Variants in DNAH7 observed in about 807,000 individuals in gnomAD.
DNAH7 encodes the protein axonemal beta dynein heavy chain 7.
In DNAH7, 397 loss-of-function variants were observed where a neutral mutation model predicts 444.6. The observed-to-expected ratio is 0.89, with a 90% CI of 0.82 to 0.97. DNAH7 has a LOEUF of 0.97. DNAH7 is among the 50% of genes least tolerant of loss of function. The probability of loss-of-function intolerance (pLI) is 0.00; values close to 1 mark genes in which losing one functional copy is unlikely to be tolerated. For missense variants in DNAH7, 4,902 were observed against 4,800.8 expected (o/e 1.02, Z -0.62); for synonymous variants, 1,636 against 1,624.4 (o/e 1.01, Z -0.17).
chr2:195,919,173 C>A (rs1687867693), intron 24 of DNAH7, among the ~76,000 whole-genome samples: 1 of 149,962 alleles, frequency 6.7e-6, no homozygotes, highest in African/African-American at 2.5e-5. Context: ...TCACTTGAAC[C>A]AGGGAGTCGG....
Position 195,824,313 on chromosome 2 carries a change from C to A in DNAH7, c.9233G>T (p.Arg3078Leu), listed in dbSNP as rs748635757. 1.9e-6 allele frequency: 3 copies of A among 1,613,598 alleles called. No individual in the cohort carries two copies. Among genetic ancestry groups the A allele is most frequent in the South Asian group, 2.2e-5 (2 of 91,012 alleles). Residue 3078 changes from arginine to leucine, a missense_variant, in exon 49 of 65, where the codon CGC (arginine) becomes CTC (leucine). Transcript: ENST00000312428. The stretch of plus-strand genomic sequence containing the variant: ...TCTTAACTTGGTAGTAATATAGAAG[C>A]GGAAGTCAGGTGCATATTCAATTGT... ...DSTIEYAPDF[R>L]FYITTKLRNP...
rs1345417984 is a variant in DNAH7, at chr2:195,816,957, T to C, written c.9432A>G (p.Leu3144=). ...CTAAAATCTTGTCTTCTATTTCTTT[T>C]AACTGCCTGGAATAAAACAAAATTT... The part of the protein sequence containing the change: ...ILQGAENKRQ[L]KEIEDKILEV... Residue 3144 remains leucine, a synonymous_variant, in exon 51 of 65, where the codon TTA becomes TTG. Coordinates refer to ENST00000312428, the MANE Select transcript of DNAH7 (RefSeq NM_018897.3). 6.3e-7 allele frequency: 1 copy of C among 1,584,518 alleles called. No homozygotes were observed. Among genetic ancestry groups the C allele is most frequent in the African/African-American group, 1.4e-5 (1 of 73,294 alleles).
At chr2:195,936,380 CA>C (rs570591947) in intron 20 of DNAH7, among the ~76,000 whole-genome samples, 2 of 151,344 alleles carry the variant, frequency 1.3e-5, no homozygotes, top group East Asian at 1.9e-4. Context: ...ATCTCAAAAA[CA>C]AAAAAACAAA....
chr2:195,997,422 G>A (rs1317896823), intron 12 of DNAH7, among the ~76,000 whole-genome samples: 1 of 152,182 alleles, frequency 6.6e-6, no homozygotes, highest in Non-Finnish European at 1.5e-5. Flanking sequence ...GGCTGAGGCA[G>A]GAGAATCGCG....
chr2:195,858,813 A>G lies in DNAH7; in HGVS notation c.7737-9T>C, dbSNP rs753747216. On this transcript the variant is annotated splice_polypyrimidine_tract_variant and intron_variant, in intron 42 of 64. Coordinates refer to ENST00000312428, the MANE Select transcript of DNAH7 (RefSeq NM_018897.3). Reference sequence around the variant, plus strand: ...TCATTTTCATTACTTCACTGGAAGGAAATAGATAAAACAAAGTTAATCATG... The same window carrying G: ...TCATTTTCATTACTTCACTGGAAGGGAATAGATAAAACAAAGTTAATCATG... 6.3e-7 allele frequency: 1 copy of G among 1,590,324 alleles called. No individual in the cohort carries two copies. The highest frequency in any genetic ancestry group is 8.6e-7 in the Non-Finnish European group (1 of 1,169,204).
chr2:195,767,031 G>A (rs1451375022), intron 61 of DNAH7, among the ~76,000 whole-genome samples: 2 of 151,476 alleles, frequency 1.3e-5, no homozygotes, highest in African/African-American at 4.8e-5. Flanking sequence ...TATTATGTTT[G>A]TTTTCTATTT....
chr2:195,890,387 C>T (rs1248676856), intron 31 of DNAH7, among the ~76,000 whole-genome samples: 1 of 152,206 alleles, frequency 6.6e-6, no homozygotes, highest in Non-Finnish European at 1.5e-5. Context: ...TTTCATTTGA[C>T]TCTACTACTT....
At position 195,864,245 on chromosome 2, in the gene DNAH7, A is replaced by G. The variant is rs1208415308; in HGVS notation, c.7410T>C (p.His2470=). 4.3e-6 allele frequency: 7 copies of G among 1,614,070 alleles called. No individual in the cohort carries two copies. The highest frequency in any genetic ancestry group is 1.3e-5 in the African/African-American group (1 of 74,942). The change falls in exon 41 of 65, where the codon CAT becomes CAC. Residue 2470 remains histidine (H), a synonymous_variant. Coordinates refer to ENST00000312428, the MANE Select transcript of DNAH7 (RefSeq NM_018897.3). ...CAATGGGACTCATGGCAAGGACCACATGCAGTTGGCTGCGGCAATGATCAA... is the reference window on the plus strand; with the variant it reads ...CAATGGGACTCATGGCAAGGACCACGTGCAGTTGGCTGCGGCAATGATCAA... ...MFIDHCRSQL[H]VVLAMSPIGD...
chr2:195,882,410 TAA>T (rs1701438785), intron 35 of DNAH7, among the ~76,000 whole-genome samples: 1 of 152,212 alleles, frequency 6.6e-6, no homozygotes, highest in Non-Finnish European at 1.5e-5. Context: ...TTGACTTTTA[TAA>T]CAGTATTTAT....
intron 20 of DNAH7, among the ~76,000 whole-genome samples, chr2:195,935,608 G>A (rs1474069468): frequency 6.6e-6 from 1 of 152,138 alleles, no homozygotes. Flanking sequence ...AGGAAGACAT[G>A]CCATTAACAA....
chr2:195,864,289 C>A lies in DNAH7; in HGVS notation c.7366G>T (p.Ala2456Ser), dbSNP rs753421011. 1.2e-5 allele frequency: 19 copies of A among 1,614,026 alleles called. No homozygotes were observed. Among genetic ancestry groups the A allele is most frequent in the Admixed American group, 1.7e-5 (1 of 59,998 alleles). Reference protein sequence around the residue: ...KTKQTDGSPIALFNMFIDHCR... With the variant: ...KTKQTDGSPISLFNMFIDHCR... Reference sequence around the variant, plus strand: ...TGATCAATAAACATGTTGAAAAGGGCTATGGGGCTGCCATCTGTTTGCTTG... The same window carrying A: ...TGATCAATAAACATGTTGAAAAGGGATATGGGGCTGCCATCTGTTTGCTTG... Residue 2456 changes from alanine (A) to serine (S), a missense_variant, in exon 41 of 65, where the codon GCC becomes TCC. Transcript: ENST00000312428.
intron 12 of DNAH7, among the ~76,000 whole-genome samples, chr2:195,989,929 A>T (rs1693188393): frequency 6.6e-6 from 1 of 151,810 alleles, no homozygotes; most frequent in African/African-American, 2.4e-5. Flanking sequence ...AGCCAATTAA[A>T]CCTCTTTTTT....
At chr2:195,921,209 G>T (rs183237254) in intron 24 of DNAH7, among the ~76,000 whole-genome samples, 125 of 152,218 alleles carry the variant, frequency 8.2e-4, no homozygotes, top group Non-Finnish European at 8.8e-5. Context: ...CCCATTCCTG[G>T]GTATGTACCC....
chr2:195,998,384 G>C (rs187213649), intron 12 of DNAH7, among the ~76,000 whole-genome samples: 1 of 152,018 alleles, frequency 6.6e-6, no homozygotes, highest in African/African-American at 2.4e-5. Flanking sequence ...GACCATCTTG[G>C]CTAAGACGTT....
intron 46 of DNAH7, among the ~76,000 whole-genome samples, chr2:195,849,527 G>A (rs990509096): frequency 6.6e-6 from 1 of 152,132 alleles, no homozygotes; most frequent in African/African-American, 2.4e-5. Flanking sequence ...TTGCTACGTA[G>A]GGAGGAGGGA....
At chr2:195,942,435 T>G (rs1032116028) in intron 19 of DNAH7, among the ~76,000 whole-genome samples, 3 of 140,210 alleles carry the variant, frequency 2.1e-5, no homozygotes, top group African/African-American at 8.0e-5. Flanking sequence ...AGGAAGAAGA[T>G]GAAGAGGAGG....
At chr2:195,822,109 G>A (rs1345409008) in intron 49 of DNAH7, among the ~76,000 whole-genome samples, 1 of 152,138 alleles carries the variant, frequency 6.6e-6, no homozygotes, top group African/African-American at 2.4e-5. Flanking sequence ...TTTTAAAATT[G>A]AGCAATTTGG....
intron 30 of DNAH7, chr2:195,894,714 CT>C (rs1702205515): frequency 4.1e-6 from 1 of 241,666 alleles, no homozygotes; most frequent in Non-Finnish European, 7.9e-6. Flanking sequence ...TGTTTTCAGA[CT>C]TTTTTCTACA....
intron 25 of DNAH7, among the ~76,000 whole-genome samples, chr2:195,908,600 G>T (rs1226144821): frequency 6.6e-6 from 1 of 152,042 alleles, no homozygotes; most frequent in Non-Finnish European, 1.5e-5. Flanking sequence ...TGCCGCAAAA[G>T]ACATGATTTC....
Sources: gnomAD v4.1 joint callset for allele counts (sites outside exome capture counted in the v4.1 genomes callset) on GRCh38, gnomAD v4.1.1 for gene constraint, MANE v1.5 for transcripts, NCBI Gene and HGNC (gene_info 2026-07-23, HGNC 2026-07-21) for gene names.